LOXHD1: variants seen among roughly 807,000 people sequenced by gnomAD.
The protein encoded by LOXHD1 is lipoxygenase homology PLAT domains 1.
In LOXHD1, 205 loss-of-function variants were observed where a neutral mutation model predicts 248.2. That is an observed-to-expected ratio of 0.83 (90% confidence interval 0.74 to 0.93). LOXHD1 has a LOEUF of 0.93. Ranked by LOEUF, LOXHD1 falls within the 40% of genes least tolerant of loss-of-function variation. LOXHD1 has a pLI of 0.00. For missense variants in LOXHD1, 2,930 were observed against 2,971.6 expected, an observed-to-expected ratio of 0.99 and a Z score of 0.33; for synonymous variants, 1,113 against 1,162.8, an observed-to-expected ratio of 0.96 and a Z score of 0.87.
At chr18:46,638,580 C>A (rs966905855) in intron 4 of LOXHD1, among the ~76,000 whole-genome samples, 1 of 152,054 alleles carries the variant, frequency 6.6e-6, no homozygotes, top group Non-Finnish European at 1.5e-5. Context: ...TCACAGTGAG[C>A]GAAGATTGTG....
At chr18:46,517,421 T>G (rs2035312961) in intron 34 of LOXHD1, among the ~76,000 whole-genome samples, 1 of 152,210 alleles carries the variant, frequency 6.6e-6, no homozygotes, top group African/African-American at 2.4e-5. Context: ...CCTCAGTTTC[T>G]CACCTGTAAA....
intron 38 of LOXHD1, among the ~76,000 whole-genome samples, chr18:46,487,885 C>T (rs866137119): frequency 6.6e-6 from 1 of 152,150 alleles, no homozygotes; most frequent in South Asian, 2.1e-4. Context: ...CAATATATTC[C>T]CTTTTGCTAC....
intron 5 of LOXHD1, among the ~76,000 whole-genome samples, chr18:46,613,411 A>G (rs2038537344): frequency 6.6e-6 from 1 of 152,102 alleles, no homozygotes; most frequent in Admixed American, 6.6e-5. Flanking sequence ...GTAATCTTAT[A>G]TCCAGCAACT....
chr18:46,593,859 A>G lies in LOXHD1; in HGVS notation c.1271-99T>C, dbSNP rs969530219. The G allele has an allele frequency of 2.3e-6, 3 of 1,298,152 alleles. No homozygotes were observed. The Admixed American group carries it at 6.1e-5, about 26-fold the overall frequency. 80.4% of individuals were successfully genotyped at this position (1,298,152 alleles called of 1,614,324 possible). A position where few individuals can be genotyped will look rare whatever the true frequency, so the allele number is the denominator to read the frequency against. On this transcript the variant is annotated intron_variant, in intron 9 of 40. Transcript: ENST00000642948. Reference sequence around the variant, plus strand: ...AAAAATCCAAAATGATCAGGACTGAAGGGCGGGGTATACACAGGTGTGTCC... The same window carrying G: ...AAAAATCCAAAATGATCAGGACTGAGGGGCGGGGTATACACAGGTGTGTCC...
intron 16 of LOXHD1, among the ~76,000 whole-genome samples, 179 bp downstream of exon 16, chr18:46,569,263 A>T (rs985131619): frequency 3.3e-5 from 5 of 152,136 alleles, no homozygotes; most frequent in Admixed American, 2.6e-4. Context: ...CAGCTAAAAA[A>T]CTACACACCT....
At chr18:46,501,739 T>G (rs981730921) in intron 37 of LOXHD1, among the ~76,000 whole-genome samples, 1 of 152,190 alleles carries the variant, frequency 6.6e-6, no homozygotes, top group African/African-American at 2.4e-5. Context: ...CACAGCAACA[T>G]TATAGGGCAT....
At chr18:46,594,502 G>A in intron 8 of LOXHD1, 36 bp from the exon 9 acceptor site, 1 of 1,550,264 alleles carries the variant, frequency 6.5e-7, no homozygotes, top group South Asian at 1.2e-5. Flanking sequence ...CCGGCATTGA[G>A]TCTCCAGTAG....
chr18:46,595,028 G>T (rs2038236379), intron 8 of LOXHD1, among the ~76,000 whole-genome samples: 1 of 152,150 alleles, frequency 6.6e-6, no homozygotes, highest in Admixed American at 6.5e-5. Context: ...TATCAGCAAA[G>T]AAATTTTGAC....
chr18:46,548,465 G>A (rs2036945293), intron 21 of LOXHD1, among the ~76,000 whole-genome samples: 1 of 152,162 alleles, frequency 6.6e-6, no homozygotes, highest in South Asian at 2.1e-4. Flanking sequence ...GGGGGGCAAC[G>A]TTACACTGAT....
chr18:46,573,939 G>T (rs966290086), intron 14 of LOXHD1, among the ~76,000 whole-genome samples: 1 of 152,032 alleles, frequency 6.6e-6, no homozygotes, highest in Non-Finnish European at 1.5e-5. Flanking sequence ...AATGACAGGG[G>T]GATTTGGGAA....
chr18:46,591,828 T>G, intron 12 of LOXHD1, 105 bp downstream of exon 12: 1 of 1,410,882 alleles, frequency 7.1e-7, no homozygotes, highest in East Asian at 2.5e-5. Flanking sequence ...CTAAGGGGCC[T>G]GAAGATGCAA....
At chr18:46,536,907 T>C (rs375261402) in intron 26 of LOXHD1, among the ~76,000 whole-genome samples, 1 of 152,212 alleles carries the variant, frequency 6.6e-6, no homozygotes, top group South Asian at 2.1e-4. Context: ...GGGCCCAGCC[T>C]TCTGAGGCTC....
At chr18:46,642,932 C>G (rs541705203) in intron 2 of LOXHD1, among the ~76,000 whole-genome samples, 1 of 152,196 alleles carries the variant, frequency 6.6e-6, no homozygotes, top group Non-Finnish European at 1.5e-5. Flanking sequence ...CTCTCAGGAA[C>G]AGCACACAGC....
At chr18:46,584,253 A>G (rs938383813) in intron 12 of LOXHD1, among the ~76,000 whole-genome samples, 9 of 152,100 alleles carry the variant, frequency 5.9e-5, no homozygotes, top group Non-Finnish European at 1.3e-4. Context: ...GAGGATGGGG[A>G]GAAGTTGATC....
intron 37 of LOXHD1, among the ~76,000 whole-genome samples, chr18:46,495,716 A>G (rs2033819087): frequency 1.3e-5 from 2 of 152,242 alleles, no homozygotes; most frequent in African/African-American, 2.4e-5. Context: ...AAATTTACAT[A>G]TTACATAGTA....
chr18:46,481,974 C>T (rs2032614565), intron 40 of LOXHD1, among the ~76,000 whole-genome samples: 1 of 152,178 alleles, frequency 6.6e-6, no homozygotes, highest in African/African-American at 2.4e-5. Flanking sequence ...TGAGCAGTAT[C>T]AGCAGACACA....
At chr18:46,562,783 T>C (rs2037556187) in intron 18 of LOXHD1, among the ~76,000 whole-genome samples, 1 of 152,176 alleles carries the variant, frequency 6.6e-6, no homozygotes, top group African/African-American at 2.4e-5. Context: ...CCCCAGAGGT[T>C]CTGATTTGCC....
chr18:46,576,212 G>C (rs559113485), intron 14 of LOXHD1, among the ~76,000 whole-genome samples: 5 of 152,326 alleles, frequency 3.3e-5, no homozygotes, highest in Admixed American at 1.3e-4. Flanking sequence ...ATTTTGAGTA[G>C]ATAGGAATAA....
intron 8 of LOXHD1, among the ~76,000 whole-genome samples, chr18:46,597,578 A>ACACC (rs1491297350): frequency 2.5e-4 from 38 of 149,802 alleles, no homozygotes; most frequent in Admixed American, 1.7e-3. Flanking sequence ...ACACACACAC[A>ACACC]CCCCTACCTG....
Sources: allele counts gnomAD v4.1 joint callset (sites outside exome capture counted in the v4.1 genomes callset), GRCh38; gene constraint gnomAD v4.1.1; transcripts MANE v1.5; gene names NCBI Gene and HGNC (gene_info 2026-07-23, HGNC 2026-07-21).